Variants in ANO4 observed in about 807,000 individuals in gnomAD.
ANO4 encodes the protein anoctamin 4, also known as anoctamin-4.
Under a neutral mutation model 141.9 loss-of-function variants are expected in ANO4, and 69 were observed. The ratio of observed to expected loss-of-function variants is 0.49; its 90% confidence interval spans 0.40 to 0.59. ANO4 has a LOEUF of 0.59. ANO4 is among the 20% of genes least tolerant of loss of function. ANO4 has a pLI of 0.00. For synonymous variants in ANO4, 350 were observed against 394.3 expected (o/e 0.89, Z 1.33); for missense variants, 894 against 1,162.2 (o/e 0.77, Z 3.36).
chr12:100,946,175 G>A (rs1234443197), intron 5 of ANO4, among the ~76,000 whole-genome samples: 2 of 152,192 alleles, frequency 1.3e-5, no homozygotes, highest in East Asian at 1.9e-4. Flanking sequence ...CACTGAGCAA[G>A]GTGAAGAATA....
chr12:100,966,630 C>T (rs1431220196), intron 5 of ANO4, among the ~76,000 whole-genome samples: 1 of 152,094 alleles, frequency 6.6e-6, no homozygotes, highest in African/African-American at 2.4e-5. Context: ...TTCTCCTGGG[C>T]ATGTCAAACT....
At chr12:100,735,618 A>G (rs1593243721) in intron 2 of ANO4, among the ~76,000 whole-genome samples, 1 of 152,136 alleles carries the variant, frequency 6.6e-6, no homozygotes. Context: ...GGGAGGTGGG[A>G]TGAAGAGGCG....
intron 9 of ANO4, among the ~76,000 whole-genome samples, chr12:101,031,334 G>A (rs983041785): frequency 1.3e-5 from 2 of 151,984 alleles, no homozygotes; most frequent in African/African-American, 2.4e-5. Context: ...AAGACAAAAA[G>A]CACGTGATTA....
Position 101,079,285 on chromosome 12 carries a change from A to T in ANO4, c.1395+10A>T. The T allele has an allele frequency of 6.2e-7, 1 of 1,608,910 alleles. No individual in the cohort carries two copies. Among genetic ancestry groups the T allele is most frequent in the Non-Finnish European group, 8.5e-7 (1 of 1,175,736 alleles). ...CTGGGAAGAAGAGGAGGTTTGTATC[A>T]TTTACCTCAGAATGTTGTAAAAAGC... is the stretch of plus-strand genomic sequence containing the variant. On this transcript the variant is annotated intron_variant, in intron 15 of 27. Transcript: ENST00000392977.
At chr12:100,796,391 C>T (rs954729169) in intron 1 of ANO4, among the ~76,000 whole-genome samples, 2 of 152,030 alleles carry the variant, frequency 1.3e-5, no homozygotes, top group African/African-American at 4.8e-5. Flanking sequence ...CTTTTATGTC[C>T]CCTGTTCATG....
At chr12:100,751,469 A>G (rs1241691867) in intron 3 of ANO4, among the ~76,000 whole-genome samples, 2 of 152,262 alleles carry the variant, frequency 1.3e-5, no homozygotes, top group African/African-American at 4.8e-5. Context: ...CCCTCTGGTC[A>G]CTATTCCTCC....
At chr12:100,987,493 T>C in intron 7 of ANO4, 46 bp from the exon 8 acceptor site, 1 of 1,598,432 alleles carries the variant, frequency 6.3e-7, no homozygotes. Context: ...TTTCAGGGCA[T>C]TGCTGACATG....
intron 1 of ANO4, among the ~76,000 whole-genome samples, chr12:100,854,282 G>C (rs1270786072): frequency 6.6e-5 from 10 of 151,974 alleles, no homozygotes. Flanking sequence ...TGTAATTATG[G>C]TTTCCTTGTC....
At chr12:100,969,649 A>G (rs1287460848) in intron 5 of ANO4, among the ~76,000 whole-genome samples, 1 of 152,210 alleles carries the variant, frequency 6.6e-6, no homozygotes, top group Non-Finnish European at 1.5e-5. Context: ...CAGCTAGAGG[A>G]AAAAGTTGAG....
intron 25 of ANO4, 147 bp downstream of exon 25, chr12:101,116,945 C>G: frequency 8.5e-7 from 1 of 1,170,770 alleles, no homozygotes; most frequent in South Asian, 1.5e-5. Flanking sequence ...GAAGAATTTT[C>G]AAGCCTTCTC....
At chr12:101,077,957 G>C (rs1461588754) in intron 14 of ANO4, among the ~76,000 whole-genome samples, 1 of 152,208 alleles carries the variant, frequency 6.6e-6, no homozygotes, top group Admixed American at 6.5e-5. Flanking sequence ...AGCACAGCTT[G>C]TATCTGATCT....
chr12:100,890,686 C>T (rs561472254), intron 1 of ANO4, among the ~76,000 whole-genome samples: 1 of 152,230 alleles, frequency 6.6e-6, no homozygotes, highest in East Asian at 1.9e-4. Context: ...AAAATACAGA[C>T]ATTCCTTGTG....
At chr12:100,799,692 G>A (rs1350891213) in intron 1 of ANO4, among the ~76,000 whole-genome samples, 4 of 152,180 alleles carry the variant, frequency 2.6e-5, no homozygotes, top group Admixed American at 2.6e-4. Context: ...AGTGAGCCGA[G>A]ATTGCGCCAT....
intron 9 of ANO4, among the ~76,000 whole-genome samples, chr12:101,022,478 A>G (rs1465537887): frequency 1.3e-5 from 2 of 152,252 alleles, no homozygotes; most frequent in Admixed American, 6.5e-5. Context: ...TGCGTACTGA[A>G]TAATTTAAAT....
chr12:101,040,389 A>C (rs1231440351), intron 11 of ANO4, among the ~76,000 whole-genome samples: 3 of 152,224 alleles, frequency 2.0e-5, no homozygotes, highest in Non-Finnish European at 4.4e-5. Flanking sequence ...TTATTGACAA[A>C]CCATCTTGTA....
chr12:100,832,549 C>T (rs1442336488), intron 1 of ANO4, among the ~76,000 whole-genome samples: 6 of 152,042 alleles, frequency 3.9e-5, no homozygotes, highest in Admixed American at 1.3e-4. Flanking sequence ...TTCTTGGAAA[C>T]GTGTAAAGTA....
chr12:100,976,254 T>C (rs547333458), intron 7 of ANO4, among the ~76,000 whole-genome samples: 1 of 152,230 alleles, frequency 6.6e-6, no homozygotes. Context: ...TATGCTATGT[T>C]GAGTGATAAA....
intron 3 of ANO4, among the ~76,000 whole-genome samples, chr12:100,764,923 C>G (rs2033015262): frequency 6.6e-6 from 1 of 152,120 alleles, no homozygotes; most frequent in Non-Finnish European, 1.5e-5. Flanking sequence ...CTGCAATATT[C>G]TTTTCTTGTA....
intron 22 of ANO4, among the ~76,000 whole-genome samples, chr12:101,105,879 G>A (rs2050420313): frequency 1.3e-5 from 2 of 152,210 alleles, no homozygotes; most frequent in Non-Finnish European, 2.9e-5. Flanking sequence ...CCAGCACTTT[G>A]GGAGGCCAAG....
Sources: allele counts gnomAD v4.1 joint callset (sites outside exome capture counted in the v4.1 genomes callset), GRCh38; gene constraint gnomAD v4.1.1; transcripts MANE v1.5; gene names NCBI Gene and HGNC (gene_info 2026-07-23, HGNC 2026-07-21).